Variants in DST observed in about 807,000 individuals in gnomAD.
DST encodes the protein bullous pemphigoid antigen.
In DST, 253 loss-of-function variants were observed where a neutral mutation model predicts 875.2. The ratio of observed to expected loss-of-function variants is 0.29; its 90% confidence interval spans 0.26 to 0.32. The LOEUF (loss-of-function observed/expected upper bound fraction) is 0.32, where lower values mean the gene tolerates loss of function less well. Ranked by LOEUF, DST falls within the 10% of genes least tolerant of loss-of-function variation. The pLI, the probability that DST is intolerant of heterozygous loss-of-function variation, is 1.00. For synonymous variants in DST, 3,124 were observed against 3,197.1 expected (o/e 0.98, Z 0.77); for missense variants, 8,287 against 9,111.6 (o/e 0.91, Z 3.68).
intron 3 of DST, among the ~76,000 whole-genome samples, chr6:56,899,334 C>A (rs1022934620): frequency 6.6e-6 from 1 of 151,874 alleles, no homozygotes; most frequent in Admixed American, 6.6e-5. Context: ...GAAAAATAAA[C>A]CCTCATTTCT....
At chr6:56,723,068 G>A (rs538742226) in intron 5 of DST, among the ~76,000 whole-genome samples, 9 of 152,324 alleles carry the variant, frequency 5.9e-5, no homozygotes, top group Admixed American at 5.2e-4. Context: ...AAAGAAAAAC[G>A]TGGTGAAGGA....
At chr6:56,568,124 A>G (rs986098593) in intron 55 of DST, among the ~76,000 whole-genome samples, 1 of 152,192 alleles carries the variant, frequency 6.6e-6, no homozygotes, top group African/African-American at 2.4e-5. Context: ...ATTATAATTA[A>G]ATATTTTAAA....
intron 2 of DST, among the ~76,000 whole-genome samples, chr6:56,926,137 T>TAAAA (rs35832341): frequency 1.3e-4 from 20 of 149,896 alleles, no homozygotes; most frequent in South Asian, 2.1e-4. Flanking sequence ...CAGGTGGATT[T>TAAAA]AAAAAAAAAA....
At chr6:56,614,826 G>T in intron 36 of DST, 1 of 999,520 alleles carries the variant, frequency 1.0e-6, no homozygotes, top group Non-Finnish European at 1.2e-6. Flanking sequence ...AATCCTAATT[G>T]TCCTGACAAA....
Position 56,459,188 on chromosome 6 carries a change from A to T in DST, c.23274T>A (p.Ser7758Arg). The T allele has an allele frequency of 6.2e-7, 1 of 1,613,942 alleles. No homozygotes were observed. Residue 7758 changes from serine to arginine, a missense_variant, in exon 104 of 104, where the codon AGT becomes AGA. Physicochemically the swap from Ser to Arg is moderately radical, Grantham distance 110 (BLOSUM62 -1). This residue lies in a region of DST where 240 missense variants were observed against 237.3 expected (regional missense o/e 1.01). Transcript: ENST00000680361. ...CTGAAATGTCAAAGTCTGATGCATCACTGCCTCGGCGGCTGCTGGCCCTGC... is the reference window on the plus strand; with the variant it reads ...CTGAAATGTCAAAGTCTGATGCATCTCTGCCTCGGCGGCTGCTGGCCCTGC... ...AGSRASSRRG[S>R]DASDFDISEI...
intron 71 of DST, among the ~76,000 whole-genome samples, chr6:56,516,206 A>C (rs1396968457): frequency 6.6e-6 from 1 of 152,030 alleles, no homozygotes; most frequent in Non-Finnish European, 1.5e-5. Context: ...AAGGAGAAAG[A>C]GAAAGAGGAA....
chr6:56,752,837 G>A (rs1240543372), intron 4 of DST, among the ~76,000 whole-genome samples: 2 of 151,988 alleles, frequency 1.3e-5, no homozygotes, highest in African/African-American at 4.8e-5. Flanking sequence ...TGTTGCCCAG[G>A]CTGAAGGGCA....
rs1363061977 is a variant in DST at position 56,458,397 on chromosome 6, GT to G, written c.*607del. On this transcript the variant is annotated 3_prime_UTR_variant, in exon 104 of 104. Coordinates refer to ENST00000680361, the MANE Select transcript of DST (RefSeq NM_001374736.1). ...TACTTATATTCTTACAGTATAATAG[GT>G]CTAATATCCAGGATGCCTCTGGCCT... is the stretch of plus-strand genomic sequence containing the variant. 6.6e-6 allele frequency: 1 copy of G among 152,366 alleles called. No individual in the cohort carries two copies. The highest frequency in any genetic ancestry group is 2.4e-5 in the African/African-American group (1 of 41,554). The allele number at this position is 152,366 out of a possible 1,614,324, so 9.4% of individuals were successfully genotyped here.
chr6:56,920,390 T>G (rs1024352050), intron 2 of DST, among the ~76,000 whole-genome samples: 4 of 152,182 alleles, frequency 2.6e-5, no homozygotes, highest in East Asian at 3.8e-4. Context: ...GGCCATAACT[T>G]AGCCATAGAG....
chr6:56,484,950 C>T, intron 88 of DST: 1 of 192,986 alleles, frequency 5.2e-6, no homozygotes, highest in Non-Finnish European at 1.1e-5. Context: ...TGTCAGGTCA[C>T]TGAATGAATG....
chr6:56,465,624 A>T (rs143787804), intron 99 of DST, among the ~76,000 whole-genome samples: 73 of 152,270 alleles, frequency 4.8e-4, no homozygotes, highest in African/African-American at 1.3e-3. Flanking sequence ...TTATTTAAAA[A>T]TTTTTTAATT....
rs1416779249 is a variant in DST at position 56,714,143 on chromosome 6, C to A, written c.688-9774G>T. On this transcript the variant is annotated intron_variant, in intron 5 of 103. Coordinates refer to ENST00000680361, the MANE Select transcript of DST (RefSeq NM_001374736.1). The surrounding 1 kb of genome is among the most constrained non-coding windows in gnomAD (Gnocchi z 4.5). ...AAATCCAGATGACACTCCATGTCCC[C>A]AGTACCACGATTCATATTTTTCTAA... Among the ~76,000 whole-genome samples the A allele has an allele frequency of 1.3e-5, 2 of 152,154 alleles. No homozygotes were observed. Among genetic ancestry groups the A allele is most frequent in the East Asian group, 3.9e-4 (2 of 5,186 alleles).
rs1387636210 is a variant in DST, at chr6:56,764,995, G to GAGGA, written c.626-29710_626-29707dup. ...AAAGGGAGGGAGGGAGGGAGGGAGG[G>GAGGA]AGGAAGGGAGGGAGGGTAAGAAGCA... On this transcript the variant is annotated intron_variant, in intron 4 of 103. Coordinates refer to ENST00000680361, the MANE Select transcript of DST (RefSeq NM_001374736.1). Among the ~76,000 whole-genome samples the GAGGA allele has an allele frequency of 2.8e-4, 37 of 134,400 alleles. 1 individual carries two copies. The highest frequency in any genetic ancestry group is 4.4e-4 in the Admixed American group (6 of 13,728). The allele number at this position is 134,400 out of a possible 152,430, so 88.2% of individuals were successfully genotyped here.
At chr6:56,483,581 T>C (rs2095472620) in intron 88 of DST, 1 of 138,954 alleles carries the variant, frequency 7.2e-6, no homozygotes, top group African/African-American at 2.7e-5. Context: ...GACAAACTGA[T>C]GTGCCAGGAA....
chr6:56,715,231 G>T (rs1360993716), intron 5 of DST, among the ~76,000 whole-genome samples: 1 of 152,210 alleles, frequency 6.6e-6, no homozygotes, highest in Non-Finnish European at 1.5e-5. Flanking sequence ...CAGGGGATTT[G>T]TGTTTGCCCC....
intron 86 of DST, among the ~76,000 whole-genome samples, chr6:56,488,618 ATGATGGCC>A (rs2095641231): frequency 6.6e-6 from 1 of 152,176 alleles, no homozygotes; most frequent in Admixed American, 6.5e-5. Context: ...CTATGTGAAG[ATGATGGCC>A]AGGATTTCCT....
intron 4 of DST, among the ~76,000 whole-genome samples, chr6:56,825,233 T>C (rs1055369628): frequency 1.3e-5 from 2 of 149,200 alleles, no homozygotes; most frequent in African/African-American, 5.0e-5. Context: ...ATGTGCTGTG[T>C]CCACTCAGGG....
chr6:56,469,836 C>A, intron 97 of DST, 47 bp downstream of exon 97: 1 of 1,502,382 alleles, frequency 6.7e-7, no homozygotes, highest in South Asian at 1.1e-5. Context: ...ATACAGATTT[C>A]AATTTATGTC....
In DST at chr6:56,605,309, C is replaced by CT; in HGVS notation, c.9318dup (p.Gly3107ArgfsTer4). On this transcript the variant is annotated frameshift_variant, in exon 40 of 104. Coordinates refer to ENST00000680361, the MANE Select transcript of DST (RefSeq NM_001374736.1). LOFTEE classifies it high-confidence loss of function. ...GTTACAGTTGCTTTTTTAAGGCTTC[C>CT]TTTCTGATTAAGTTCTTCATTGTTT... The CT allele has an allele frequency of 6.2e-7, 1 of 1,611,724 alleles. No individual in the cohort carries two copies. Among genetic ancestry groups the CT allele is most frequent in the Non-Finnish European group, 8.5e-7 (1 of 1,178,918 alleles).
Sources: allele counts gnomAD v4.1 joint callset (sites outside exome capture counted in the v4.1 genomes callset), GRCh38; gene constraint gnomAD v4.1.1; regional missense constraint gnomAD v4.1.1; non-coding constraint Gnocchi (gnomAD v3.1); transcripts MANE v1.5; gene names NCBI Gene and HGNC (gene_info 2026-07-23, HGNC 2026-07-21).